Variants in XKR9 observed in about 807,000 individuals in gnomAD.
XKR9 encodes the protein XK-related protein 9.
Under a neutral mutation model 32.0 loss-of-function variants are expected in XKR9, and 32 were observed. The observed-to-expected ratio is 1.00, with a 90% CI of 0.76 to 1.34. The LOEUF is 1.34. Ranked by LOEUF, XKR9 falls within the 40% of genes most tolerant of loss-of-function variation. The pLI is 0.00. For missense variants in XKR9, 546 were observed against 429.7 expected, an observed-to-expected ratio of 1.27 and a Z score of -2.39; for synonymous variants, 168 against 143.4, an observed-to-expected ratio of 1.17 and a Z score of -1.22.
At chr8:71,004,768 ATACT>A in the XKR9 span, among the ~76,000 whole-genome samples, 1 of 152,174 alleles carries the variant, frequency 6.6e-6, no homozygotes, top group Non-Finnish European at 1.5e-5. Flanking sequence ...CAGGTGGTAA[ATACT>A]TACTGGGTGG....
In XKR9 at chr8:70,755,897, A is replaced by T. The variant is rs1301046150; in HGVS notation, n.353-33442A>T. 3.8e-5 allele frequency among the ~76,000 whole-genome samples: 5 copies of T among 132,420 alleles called. No individual in the cohort carries two copies. In the South Asian group the frequency reaches 1.1e-3, roughly 29 times the overall value. The allele number at this position is 132,420 out of a possible 152,430, so 86.9% of individuals were successfully genotyped here. A position where few individuals can be genotyped will look rare whatever the true frequency, so the allele number is the denominator to read the frequency against. Reference sequence around the variant, plus strand: ...GCACATTGTGCACATGTACCCTAAAACTTAAAGTATAATAATAATAATTAA... The same window carrying T: ...GCACATTGTGCACATGTACCCTAAATCTTAAAGTATAATAATAATAATTAA... On this transcript the variant is annotated intron_variant and non_coding_transcript_variant, in intron 2 of 3. Transcript: ENST00000520273.
the XKR9 span, among the ~76,000 whole-genome samples, chr8:71,022,641 T>A: frequency 6.6e-6 from 1 of 152,220 alleles, no homozygotes; most frequent in Non-Finnish European, 1.5e-5. Context: ...CCAAGCTCCC[T>A]GCATCTGGAT....
At chr8:70,782,205 G>C (rs1321146646) in intron 2 of XKR9, among the ~76,000 whole-genome samples, 1 of 152,080 alleles carries the variant, frequency 6.6e-6, no homozygotes, top group African/African-American at 2.4e-5. Context: ...TAGTTGCTTT[G>C]CTATTCTCGG....
At chr8:70,877,292 T>C in the XKR9 span, among the ~76,000 whole-genome samples, 1 of 152,222 alleles carries the variant, frequency 6.6e-6, no homozygotes, top group Non-Finnish European at 1.5e-5. Context: ...AATTTAAGGT[T>C]AGATTTGGGT....
intron 2 of XKR9, among the ~76,000 whole-genome samples, chr8:70,746,565 A>G (rs1029196857): frequency 6.6e-6 from 1 of 151,508 alleles, no homozygotes; most frequent in African/African-American, 2.4e-5. Flanking sequence ...ATGGTAGGAA[A>G]GGACTAGAGG....
chr8:70,985,684 C>A, the XKR9 span, among the ~76,000 whole-genome samples: 1 of 152,094 alleles, frequency 6.6e-6, no homozygotes, highest in African/African-American at 2.4e-5. Context: ...TTTTCACCCT[C>A]CTACCCTCAA....
chr8:70,704,759 A>G lies in XKR9; in HGVS notation c.273-2174A>G, dbSNP rs77676996. Among the ~76,000 whole-genome samples the G allele has an allele frequency of 4.9e-3, 747 of 152,316 alleles. 15 individuals carry two copies. In the East Asian group the frequency reaches 0.077, roughly 16 times the overall value. On this transcript the variant is annotated intron_variant, in intron 3 of 4. Coordinates refer to ENST00000408926, the MANE Select transcript of XKR9 (RefSeq NM_001011720.2). ...TTGGATTATAAACAACTTCAAGAAC[A>G]GGAATCACATACTCTCTACTATGTC...
At chr8:70,837,904 G>A in the XKR9 span, among the ~76,000 whole-genome samples, 201 of 152,192 alleles carry the variant, frequency 1.3e-3, no homozygotes, top group Admixed American at 2.2e-3. Flanking sequence ...TGAATGAAAT[G>A]TTTTGAGGTT....
the XKR9 span, among the ~76,000 whole-genome samples, chr8:71,010,476 G>A: frequency 6.6e-6 from 1 of 152,138 alleles, no homozygotes; most frequent in East Asian, 1.9e-4. Context: ...GGATGTTGTG[G>A]GCCCTGACTC....
chr8:70,961,332 AG>A, the XKR9 span, among the ~76,000 whole-genome samples: 19 of 152,254 alleles, frequency 1.2e-4, no homozygotes, highest in Non-Finnish European at 1.8e-4. Context: ...TCTGGAAGTT[AG>A]ATATGACAGG....
At chr8:70,908,247 T>C in the XKR9 span, among the ~76,000 whole-genome samples, 1 of 152,186 alleles carries the variant, frequency 6.6e-6, no homozygotes, top group Non-Finnish European at 1.5e-5. Context: ...CAATGTGAGG[T>C]ACTGAGTATA....
intron 3 of XKR9, among the ~76,000 whole-genome samples, chr8:70,690,883 A>C (rs139718442): frequency 1.3e-3 from 200 of 152,200 alleles, no homozygotes; most frequent in African/African-American, 4.3e-3. Flanking sequence ...GCTGCAATGA[A>C]CACTTGTGTG....
intron 2 of XKR9, among the ~76,000 whole-genome samples, chr8:70,786,034 A>T (rs1807683923): frequency 6.6e-6 from 1 of 151,972 alleles, no homozygotes; most frequent in Non-Finnish European, 1.5e-5. Context: ...TCGGTGACCC[A>T]TTGGTTGTTC....
intron 2 of XKR9, among the ~76,000 whole-genome samples, chr8:70,783,793 T>C (rs1807647401): frequency 6.6e-6 from 1 of 152,198 alleles, no homozygotes; most frequent in African/African-American, 2.4e-5. Flanking sequence ...GATCAATGTT[T>C]TATAGTTTTT....
intron 2 of XKR9, among the ~76,000 whole-genome samples, chr8:70,748,850 A>G (rs1484332599): frequency 7.1e-6 from 1 of 141,416 alleles, no homozygotes; most frequent in Admixed American, 7.0e-5. Context: ...CTGAGCCCAC[A>G]AAAACCCCAG....
Position 70,734,518 on chromosome 8 carries a change from C to T in XKR9, c.*94C>T, listed in dbSNP as rs1806802718. The T allele has an allele frequency of 2.9e-6, 4 of 1,368,464 alleles. No homozygotes were observed. Among genetic ancestry groups the T allele is most frequent in the East Asian group, 2.7e-5 (1 of 36,578 alleles). 84.8% of individuals were successfully genotyped at this position (1,368,464 alleles called of 1,614,324 possible). ...GTGGGTGTGTTGTCTCTTATTTTTG[C>T]CACCTTTAATTTGAAATTAGTTCAG... On this transcript the variant is annotated 3_prime_UTR_variant, in exon 5 of 5. Transcript: ENST00000408926.
chr8:70,895,222 G>A, the XKR9 span, among the ~76,000 whole-genome samples: 3 of 152,090 alleles, frequency 2.0e-5, no homozygotes, highest in African/African-American at 7.2e-5. Flanking sequence ...GGGGGATGGG[G>A]TGGTGAAGGA....
the XKR9 span, among the ~76,000 whole-genome samples, chr8:71,037,911 C>T: frequency 6.6e-6 from 1 of 152,220 alleles, no homozygotes; most frequent in South Asian, 2.1e-4. Context: ...TGTATTAAAA[C>T]TCACATCTGT....
At chr8:70,928,046 G>C in the XKR9 span, among the ~76,000 whole-genome samples, 2 of 151,982 alleles carry the variant, frequency 1.3e-5, no homozygotes, top group African/African-American at 2.4e-5. Context: ...ATCTAATTTC[G>C]TGTGTGTGTG....
Sources: gnomAD v4.1 joint callset for allele counts (sites outside exome capture counted in the v4.1 genomes callset) on GRCh38, gnomAD v4.1.1 for gene constraint, MANE v1.5 for transcripts, NCBI Gene and HGNC (gene_info 2026-07-23, HGNC 2026-07-21) for gene names.